The following PPARGC1A variants were observed in gnomAD, a reference collection of about 807,000 sequenced individuals.
PPARGC1A encodes the protein PPARG coactivator 1 alpha, also known as peroxisome proliferator-activated receptor gamma coactivator 1-alpha.
A neutral mutation model predicts 88.7 loss-of-function variants in PPARGC1A; 25 were observed. The ratio of observed to expected loss-of-function variants is 0.28; its 90% confidence interval spans 0.21 to 0.39. PPARGC1A has a LOEUF of 0.39. Among genes scored for constraint, PPARGC1A ranks in the 10% least tolerant of loss-of-function variants. PPARGC1A has a pLI of 1.00. For missense variants in PPARGC1A, 880 were observed against 968.7 expected, an observed-to-expected ratio of 0.91 and a Z score of 1.22; for synonymous variants, 363 against 355.6, an observed-to-expected ratio of 1.02 and a Z score of -0.24.
At chr4:24,219,646 CCCT>C in the PPARGC1A span, among the ~76,000 whole-genome samples, 5 of 152,124 alleles carry the variant, frequency 3.3e-5, no homozygotes, top group Admixed American at 2.0e-4. Flanking sequence ...CTCCAGAGGC[CCCT>C]CCTCCCCTCC....
chr4:23,850,591 T>C (rs1729107584), intron 2 of PPARGC1A, among the ~76,000 whole-genome samples: 1 of 152,176 alleles, frequency 6.6e-6, no homozygotes, highest in African/African-American at 2.4e-5. Flanking sequence ...TCAAACTTAT[T>C]TCAAGGCAAA....
At chr4:24,068,930 G>A in the PPARGC1A span, among the ~76,000 whole-genome samples, 312 of 152,206 alleles carry the variant, frequency 2.0e-3, 2 homozygotes, top group African/African-American at 7.1e-3. Flanking sequence ...CACCTTCTAT[G>A]ACTGAGCTGT....
the PPARGC1A span, among the ~76,000 whole-genome samples, chr4:24,194,630 G>GCGCA: frequency 0.044 from 2,133 of 48,626 alleles, 29 homozygotes; most frequent in African/African-American, 0.088. Flanking sequence ...GCACGCGCGC[G>GCGCA]CACACACACA....
At chr4:24,115,854 G>C in the PPARGC1A span, among the ~76,000 whole-genome samples, 1 of 152,068 alleles carries the variant, frequency 6.6e-6, no homozygotes, top group Non-Finnish European at 1.5e-5. Flanking sequence ...AAGATCTAAA[G>C]GTAGGCTTTG....
chr4:24,117,447 C>T, the PPARGC1A span, among the ~76,000 whole-genome samples: 2 of 151,986 alleles, frequency 1.3e-5, no homozygotes, highest in Admixed American at 1.3e-4. Flanking sequence ...AGGAGAGCAA[C>T]AGACAACAAC....
intron 12 of PPARGC1A, among the ~76,000 whole-genome samples, chr4:23,800,967 C>CT (rs72052228): frequency 0.037 from 4,536 of 122,072 alleles, 105 homozygotes; most frequent in Middle Eastern, 0.11. Flanking sequence ...GTGTTTCTTT[C>CT]TTTTTTTTTT....
the PPARGC1A span, among the ~76,000 whole-genome samples, chr4:23,953,026 T>C: frequency 6.6e-6 from 1 of 152,108 alleles, no homozygotes; most frequent in African/African-American, 2.4e-5. Flanking sequence ...CCTACCTACC[T>C]GAAAAGACAT....
At chr4:23,919,041 C>A in the PPARGC1A span, among the ~76,000 whole-genome samples, 1 of 152,130 alleles carries the variant, frequency 6.6e-6, no homozygotes, top group East Asian at 1.9e-4. Context: ...CCTATCCATA[C>A]TGCACCTTCT....
At chr4:24,263,511 T>A in the PPARGC1A span, among the ~76,000 whole-genome samples, 3 of 151,120 alleles carry the variant, frequency 2.0e-5, no homozygotes. Context: ...CAGCACAGAT[T>A]TGAACTGCAT....
the PPARGC1A span, among the ~76,000 whole-genome samples, chr4:24,375,786 C>G: frequency 0.38 from 57,185 of 151,778 alleles, 11,055 homozygotes; most frequent in African/African-American, 0.46. Context: ...TTTCTCTGAA[C>G]GGAGGTATTT....
At chr4:24,050,403 G>A in the PPARGC1A span, among the ~76,000 whole-genome samples, 3 of 151,678 alleles carry the variant, frequency 2.0e-5, no homozygotes, top group Non-Finnish European at 4.4e-5. Flanking sequence ...TCATCATGTT[G>A]GTCAGGGTGG....
At chr4:24,167,019 C>A in the PPARGC1A span, among the ~76,000 whole-genome samples, 7 of 152,154 alleles carry the variant, frequency 4.6e-5, no homozygotes, top group Non-Finnish European at 8.8e-5. Flanking sequence ...CCATACATAG[C>A]AATTCCCTTG....
the PPARGC1A span, among the ~76,000 whole-genome samples, chr4:24,047,632 A>C: frequency 6.6e-5 from 10 of 152,100 alleles, no homozygotes; most frequent in Admixed American, 6.6e-4. Context: ...ACACATACAA[A>C]CCCCTTGCAT....
the PPARGC1A span, among the ~76,000 whole-genome samples, chr4:24,078,269 A>C: frequency 6.6e-6 from 1 of 152,068 alleles, no homozygotes; most frequent in South Asian, 2.1e-4. Context: ...GACATGGAGG[A>C]GAGTTGGCAC....
chr4:24,161,941 T>A, the PPARGC1A span, among the ~76,000 whole-genome samples: 1 of 143,184 alleles, frequency 7.0e-6, no homozygotes. Flanking sequence ...TCTCAATGAG[T>A]GAATAAAGAA....
At chr4:24,163,358 A>AT in the PPARGC1A span, among the ~76,000 whole-genome samples, 1 of 151,936 alleles carries the variant, frequency 6.6e-6, no homozygotes, top group Non-Finnish European at 1.5e-5. Flanking sequence ...TGAATGTCTA[A>AT]TGCAACCTCA....
chr4:24,080,909 G>A, the PPARGC1A span, among the ~76,000 whole-genome samples: 1 of 151,968 alleles, frequency 6.6e-6, no homozygotes, highest in African/African-American at 2.4e-5. Context: ...TTTGAAGGAG[G>A]GCTTTGAGAT....
the PPARGC1A span, among the ~76,000 whole-genome samples, chr4:24,287,962 TC>T: frequency 6.6e-6 from 1 of 151,936 alleles, no homozygotes; most frequent in Non-Finnish European, 1.5e-5. Context: ...AGCAGCTCCT[TC>T]TCTCATATTT....
the PPARGC1A span, among the ~76,000 whole-genome samples, chr4:23,986,217 A>C: frequency 1.3e-5 from 2 of 152,060 alleles, no homozygotes; most frequent in East Asian, 3.9e-4. Context: ...GTATTAATTG[A>C]AATGCCTTAA....
Sources: allele counts gnomAD v4.1 joint callset (sites outside exome capture counted in the v4.1 genomes callset), GRCh38; gene constraint gnomAD v4.1.1; transcripts MANE v1.5; gene names NCBI Gene and HGNC (gene_info 2026-07-23, HGNC 2026-07-21).